GPRIN3: variants seen among roughly 807,000 people sequenced by gnomAD.
GPRIN3 encodes the protein G protein-regulated inducer of neurite outgrowth 3.
In GPRIN3, 12 loss-of-function variants were observed where a neutral mutation model predicts 13.7. That is an observed-to-expected ratio of 0.87 (90% confidence interval 0.56 to 1.42). GPRIN3 has a LOEUF of 1.42. Ranked by LOEUF, GPRIN3 falls within the 40% of genes most tolerant of loss-of-function variation. The probability of loss-of-function intolerance (pLI) is 0.00; values close to 1 mark genes in which losing one functional copy is unlikely to be tolerated. For synonymous variants in GPRIN3, 377 were observed against 372.7 expected, an observed-to-expected ratio of 1.01 and a Z score of -0.13; for missense variants, 1,009 against 958.7, an observed-to-expected ratio of 1.05 and a Z score of -0.69.
chr4:89,260,099 G>T (rs1169570371), intron 1 of GPRIN3, among the ~76,000 whole-genome samples: 1 of 152,162 alleles, frequency 6.6e-6, no homozygotes, highest in East Asian at 1.9e-4. Context: ...GAGCCACCAC[G>T]CCTGGCCCTA....
chr4:89,286,440 T>C (rs1381238006), intron 1 of GPRIN3, among the ~76,000 whole-genome samples: 1 of 152,190 alleles, frequency 6.6e-6, no homozygotes, highest in Admixed American at 6.5e-5. Flanking sequence ...TGTCTTTCGC[T>C]GGTGCTTTCC....
chr4:89,279,972 T>C (rs73846113), intron 1 of GPRIN3, among the ~76,000 whole-genome samples: 3 of 152,338 alleles, frequency 2.0e-5, no homozygotes, highest in African/African-American at 4.8e-5. Context: ...GTCCTATTGA[T>C]ATCGTAAATT....
intron 1 of GPRIN3, among the ~76,000 whole-genome samples, chr4:89,257,289 G>A (rs1723492363): frequency 1.3e-5 from 2 of 152,060 alleles, no homozygotes; most frequent in Admixed American, 1.3e-4. Context: ...CTAGAAAAAC[G>A]AGCGCATGGC....
rs1722812217 is a variant in GPRIN3, at chr4:89,237,185, A to G, written c.*10595T>C. 2 of 152,228 alleles carry G rather than the reference A, an allele frequency of 1.3e-5. No individual in the cohort carries two copies. Among genetic ancestry groups the G allele is most frequent in the South Asian group, 4.1e-4 (2 of 4,828 alleles). 9.4% of individuals were successfully genotyped at this position (152,228 alleles called of 1,614,324 possible). A position where few individuals can be genotyped will look rare whatever the true frequency, so the allele number is the denominator to read the frequency against. ...TTCCATCCAGACAATTTGAATTTCA[A>G]CTATGTTAGACCTCTGTGATATATT... On this transcript the variant is annotated 3_prime_UTR_variant, in exon 2 of 2. Transcript: ENST00000609438.
intron 1 of GPRIN3, among the ~76,000 whole-genome samples, chr4:89,261,082 T>G (rs1723608676): frequency 6.6e-6 from 1 of 152,084 alleles, no homozygotes; most frequent in Admixed American, 6.6e-5. Flanking sequence ...GATCTTAAAT[T>G]AGAGTGGAGA....
chr4:89,270,582 TATATATATATATATATATAA>T (rs1433034097), intron 1 of GPRIN3, among the ~76,000 whole-genome samples: 1,470 of 125,208 alleles, frequency 0.012, 41 homozygotes, highest in African/African-American at 0.047. Context: ...TATATATATA[TATATATATATATATATATAA>T]AATATAGATA....
intron 1 of GPRIN3, among the ~76,000 whole-genome samples, chr4:89,252,324 G>T (rs1723351637): frequency 6.6e-6 from 1 of 152,246 alleles, no homozygotes; most frequent in East Asian, 1.9e-4. Flanking sequence ...TGTGGACAAA[G>T]CAATGGATCA....
chr4:89,262,998 TTGGGAATTGACTAAA>T (rs1723675311), intron 1 of GPRIN3, among the ~76,000 whole-genome samples: 1 of 152,256 alleles, frequency 6.6e-6, no homozygotes, highest in African/African-American at 2.4e-5. Context: ...AGTCTATATT[TTGGGAATTGACTAAA>T]TGTCAACATA....
chr4:89,267,438 A>ATTAG (rs2149268610), intron 1 of GPRIN3, among the ~76,000 whole-genome samples: 1 of 152,332 alleles, frequency 6.6e-6, no homozygotes, highest in South Asian at 2.1e-4. Flanking sequence ...GAAATCTGGG[A>ATTAG]TTAGACCTGC....
chr4:89,272,126 G>A (rs2149272208), intron 1 of GPRIN3, among the ~76,000 whole-genome samples: 1 of 152,274 alleles, frequency 6.6e-6, no homozygotes, highest in South Asian at 2.1e-4. Context: ...TTGTTTGTAA[G>A]CTATGCAGTC....
chr4:89,301,896 C>T (rs1261748854), intron 1 of GPRIN3, among the ~76,000 whole-genome samples: 41 of 152,154 alleles, frequency 2.7e-4, no homozygotes. Flanking sequence ...TTTTACTCTT[C>T]CAGCCTCCAG....
chr4:89,252,475 A>G (rs1723355409), intron 1 of GPRIN3, among the ~76,000 whole-genome samples: 1 of 152,232 alleles, frequency 6.6e-6, no homozygotes, highest in African/African-American at 2.4e-5. Flanking sequence ...TCCAGCTCCA[A>G]AATTCAAGGA....
intron 1 of GPRIN3, among the ~76,000 whole-genome samples, chr4:89,270,583 A>G (rs1204191552): frequency 2.5e-5 from 2 of 80,562 alleles, no homozygotes; most frequent in Admixed American, 2.2e-4. Context: ...ATATATATAT[A>G]TATATATATA....
chr4:89,286,693 G>C (rs894223928), intron 1 of GPRIN3, among the ~76,000 whole-genome samples: 2 of 151,958 alleles, frequency 1.3e-5, no homozygotes, highest in Non-Finnish European at 2.9e-5. Context: ...ATTACTGATA[G>C]GGAAGATATT....
chr4:89,254,357 GT>G (rs1339715404), intron 1 of GPRIN3, among the ~76,000 whole-genome samples: 1 of 151,884 alleles, frequency 6.6e-6, no homozygotes, highest in Non-Finnish European at 1.5e-5. Context: ...CCATTAGTTA[GT>G]TTTTTTCTGA....
In GPRIN3 at chr4:89,274,594, C is replaced by A. The variant is rs73846111; in HGVS notation, c.-123-24361G>T. On this transcript the variant is annotated intron_variant, in intron 1 of 1. Transcript: ENST00000609438. Reference sequence around the variant, plus strand: ...AAACTTGCAGGAAGGCAACACAGGGCAATGGGGAAAACACTGTTATTTAGA... The same window carrying A: ...AAACTTGCAGGAAGGCAACACAGGGAAATGGGGAAAACACTGTTATTTAGA... Among the ~76,000 whole-genome samples the A allele has an allele frequency of 5.2e-3, 792 of 152,274 alleles. 8 individuals carry two copies. The highest frequency in any genetic ancestry group is 0.018 in the African/African-American group (754 of 41,542).
Position 89,249,831 on chromosome 4 carries a change from A to G in GPRIN3, c.280T>C (p.Phe94Leu). 6.2e-7 allele frequency: 1 copy of G among 1,614,174 alleles called. No homozygotes were observed. The highest frequency in any genetic ancestry group is 8.5e-7 in the Non-Finnish European group (1 of 1,180,016). The change falls in exon 2 of 2, where the codon TTC becomes CTC. Residue 94 changes from phenylalanine (F) to leucine (L), a missense_variant. Coordinates refer to ENST00000609438, the MANE Select transcript of GPRIN3 (RefSeq NM_198281.3). ...FNEVQKAPAT[F>L]NSPGNPQLPG... is the part of the protein sequence containing the mutation. Reference sequence around the variant, plus strand: ...AGCTGGGGATTGCCGGGAGAGTTGAATGTGGCAGGTGCTTTCTGCACTTCA... The same window carrying G: ...AGCTGGGGATTGCCGGGAGAGTTGAGTGTGGCAGGTGCTTTCTGCACTTCA...
At position 89,306,292 on chromosome 4, in the gene GPRIN3, G is replaced by T. The variant is rs545282089; in HGVS notation, c.-124+1323C>A. 3.3e-4 allele frequency among the ~76,000 whole-genome samples: 50 copies of T among 152,254 alleles called. 1 individual carries two copies. The South Asian group carries it at 6.6e-3, about 20-fold the overall frequency. On this transcript the variant is annotated intron_variant, in intron 1 of 1. Transcript: ENST00000609438. ...AGCACAATGGGAAAAGAAAGAATAGGTTATAACTGGAAAATAAGCACATTC... is the reference window on the plus strand; with the variant it reads ...AGCACAATGGGAAAAGAAAGAATAGTTTATAACTGGAAAATAAGCACATTC...
intron 1 of GPRIN3, among the ~76,000 whole-genome samples, chr4:89,263,609 G>C (rs1297670312): frequency 6.6e-6 from 1 of 152,084 alleles, no homozygotes; most frequent in Non-Finnish European, 1.5e-5. Context: ...CATTCAAATT[G>C]CCTGTGAGCC....
Sources: gnomAD v4.1 joint callset for allele counts (sites outside exome capture counted in the v4.1 genomes callset) on GRCh38, gnomAD v4.1.1 for gene constraint, MANE v1.5 for transcripts, NCBI Gene and HGNC (gene_info 2026-07-23, HGNC 2026-07-21) for gene names.